Variants in LRP1B observed in about 807,000 individuals in gnomAD.
The protein encoded by LRP1B is low-density lipoprotein receptor-related protein 1B.
LRP1B carries 217 observed loss-of-function variants against 556.6 expected under a neutral mutation model. The observed-to-expected ratio is 0.39, with a 90% CI of 0.35 to 0.44. LRP1B has a LOEUF of 0.44. Ranked by LOEUF, LRP1B falls within the 20% of genes least tolerant of loss-of-function variation. The pLI is 1.00. For missense variants in LRP1B, 5,053 were observed against 5,620.8 expected (o/e 0.90, Z 3.23); for synonymous variants, 2,047 against 1,865.8 (o/e 1.10, Z -2.50).
intron 25 of LRP1B, among the ~76,000 whole-genome samples, chr2:140,877,174 C>T (rs187195292): frequency 6.6e-6 from 1 of 152,040 alleles, no homozygotes; most frequent in Non-Finnish European, 1.5e-5. Context: ...AAGAATATAA[C>T]AGCAACCTAT....
intron 20 of LRP1B, among the ~76,000 whole-genome samples, chr2:140,940,399 T>A (rs1420937357): frequency 1.3e-5 from 2 of 152,164 alleles, no homozygotes; most frequent in Non-Finnish European, 2.9e-5. Flanking sequence ...AATTTTATAT[T>A]TGATATTTAA....
intron 43 of LRP1B, among the ~76,000 whole-genome samples, chr2:140,551,974 A>C (rs2105052825): frequency 6.6e-6 from 1 of 152,288 alleles, no homozygotes; most frequent in East Asian, 1.9e-4. Flanking sequence ...ACCACATTTT[A>C]CTGGTAATGA....
intron 32 of LRP1B, among the ~76,000 whole-genome samples, chr2:140,779,714 AGTGTG>A (rs1689626624): frequency 7.3e-6 from 1 of 136,290 alleles, no homozygotes; most frequent in Non-Finnish European, 1.6e-5. Context: ...AAAAAAAAAA[AGTGTG>A]TGTGTGTGTG....
At chr2:140,926,058 T>TTC (rs1553561459) in intron 20 of LRP1B, among the ~76,000 whole-genome samples, 1 of 66,948 alleles carries the variant, frequency 1.5e-5, no homozygotes, top group Non-Finnish European at 4.3e-5. Context: ...GAGATTTTCT[T>TTC]TTTTTTTTTT....
At chr2:140,591,962 T>A (rs1272878522) in intron 43 of LRP1B, among the ~76,000 whole-genome samples, 1 of 152,138 alleles carries the variant, frequency 6.6e-6, no homozygotes, top group East Asian at 1.9e-4. Flanking sequence ...AGTATTTGAG[T>A]AGTAAAACCT....
At chr2:141,029,968 G>T (rs1698320011) in intron 11 of LRP1B, among the ~76,000 whole-genome samples, 1 of 152,042 alleles carries the variant, frequency 6.6e-6, no homozygotes, top group South Asian at 2.1e-4. Context: ...AATAATTCTA[G>T]ATAATATCAA....
chr2:141,542,460 C>T (rs1483145), intron 2 of LRP1B, among the ~76,000 whole-genome samples: 80,825 of 151,720 alleles, frequency 0.53, 22,454 homozygotes, highest in South Asian at 0.62. Context: ...TTTACTTCTT[C>T]TCATATAATG....
At chr2:142,007,436 C>T (rs16847914) in intron 1 of LRP1B, among the ~76,000 whole-genome samples, 3,888 of 152,218 alleles carry the variant, frequency 0.026, 165 homozygotes, top group East Asian at 0.17. Context: ...TATAGGTATA[C>T]TGACATAGAG....
At chr2:141,092,578 A>T (rs1700195930) in intron 7 of LRP1B, among the ~76,000 whole-genome samples, 1 of 151,704 alleles carries the variant, frequency 6.6e-6, no homozygotes, top group African/African-American at 2.4e-5. Context: ...GATGAATAGT[A>T]GACAGAATAG....
At chr2:141,437,951 A>G (rs1680824534) in intron 3 of LRP1B, among the ~76,000 whole-genome samples, 1 of 152,114 alleles carries the variant, frequency 6.6e-6, no homozygotes. Flanking sequence ...TACATATTAT[A>G]TTATATGAGT....
chr2:140,321,460 ATTATTC>A (rs1680123469), intron 82 of LRP1B, among the ~76,000 whole-genome samples: 1 of 151,930 alleles, frequency 6.6e-6, no homozygotes, highest in South Asian at 2.1e-4. Flanking sequence ...AATAATTATT[ATTATTC>A]TTTGTGGTAA....
chr2:141,224,918 A>G (rs997136142), intron 6 of LRP1B, among the ~76,000 whole-genome samples: 3 of 152,196 alleles, frequency 2.0e-5, no homozygotes, highest in Non-Finnish European at 4.4e-5. Context: ...CCACCGCAGT[A>G]CATGTTTTCC....
At chr2:141,055,292 T>C in intron 9 of LRP1B, 33 bp from the exon 10 acceptor site, 1 of 1,592,872 alleles carries the variant, frequency 6.3e-7, no homozygotes, top group Non-Finnish European at 8.6e-7. Flanking sequence ...TGCGTGAAAT[T>C]CAAGTTCAAA....
At position 140,378,137 on chromosome 2, in the gene LRP1B, T is replaced by C. The variant is rs779201610; in HGVS notation, c.10638+43A>G. ...TGAATAATAATAATTACAAATGTGG[T>C]TCTAAAGCGCTGCTTTCTTTTTGAT... On this transcript the variant is annotated intron_variant, in intron 68 of 90. Transcript: ENST00000389484. 3.8e-6 allele frequency: 5 copies of C among 1,304,844 alleles called. No homozygotes were observed. The South Asian group carries it at 4.9e-5, about 13-fold the overall frequency. The allele number at this position is 1,304,844 out of a possible 1,614,324, so 80.8% of individuals were successfully genotyped here. A position where few individuals can be genotyped will look rare whatever the true frequency, so the allele number is the denominator to read the frequency against.
At chr2:140,738,788 A>G (rs116523435) in intron 35 of LRP1B, among the ~76,000 whole-genome samples, 2,056 of 152,306 alleles carry the variant, frequency 0.013, 20 homozygotes, top group Middle Eastern at 0.034. Flanking sequence ...TACATGTCTA[A>G]GATATGAATA....
intron 11 of LRP1B, among the ~76,000 whole-genome samples, chr2:141,048,120 G>A (rs529153221): frequency 1.1e-4 from 17 of 152,120 alleles, no homozygotes; most frequent in Admixed American, 3.3e-4. Flanking sequence ...TATCTCCTGC[G>A]ATATAGCTAT....
intron 7 of LRP1B, among the ~76,000 whole-genome samples, chr2:141,127,363 A>G (rs57551935): frequency 0.019 from 2,903 of 152,206 alleles, 81 homozygotes; most frequent in African/African-American, 0.067. Flanking sequence ...CAGAAATACC[A>G]TTTGACCCAG....
At chr2:141,000,176 C>T (rs1173299727) in intron 15 of LRP1B, among the ~76,000 whole-genome samples, 1 of 151,906 alleles carries the variant, frequency 6.6e-6, no homozygotes, top group African/African-American at 2.4e-5. Flanking sequence ...ACTTCAGGCT[C>T]TCAAAGTGTT....
chr2:141,703,215 G>GAATA (rs1354751871), intron 2 of LRP1B, among the ~76,000 whole-genome samples: 1 of 135,536 alleles, frequency 7.4e-6, no homozygotes, highest in African/African-American at 2.8e-5. Flanking sequence ...CCTAAGGAAA[G>GAATA]AATATCATAT....
Sources: gnomAD v4.1 joint callset for allele counts (sites outside exome capture counted in the v4.1 genomes callset) on GRCh38, gnomAD v4.1.1 for gene constraint, MANE v1.5 for transcripts, NCBI Gene and HGNC (gene_info 2026-07-23, HGNC 2026-07-21) for gene names.